Variants in ABCA9 observed in about 807,000 individuals in gnomAD.
ABCA9 encodes the protein ATP-binding cassette sub-family A member 9.
ABCA9 carries 183 observed loss-of-function variants against 205.3 expected under a neutral mutation model. That is an observed-to-expected ratio of 0.89 (90% CI 0.79 to 1.01). The LOEUF (loss-of-function observed/expected upper bound fraction) is 1.01, where lower values mean the gene tolerates loss of function less well. Among genes scored for constraint, ABCA9 ranks in the 50% least tolerant of loss-of-function variants. The pLI is 0.00. For synonymous variants in ABCA9, 651 were observed against 683.3 expected (o/e 0.95, Z 0.74); for missense variants, 1,805 against 1,912.4 (o/e 0.94, Z 1.05).
chr17:69,003,202 C>A (rs959975497), intron 25 of ABCA9, among the ~76,000 whole-genome samples: 2 of 151,850 alleles, frequency 1.3e-5, no homozygotes, highest in Admixed American at 1.3e-4. Flanking sequence ...GATGCAGTTT[C>A]TTCCTAGTCT....
upstream of ABCA9, among the ~76,000 whole-genome samples, chr17:69,063,098 G>A (rs1598426662): frequency 6.6e-6 from 1 of 152,140 alleles, no homozygotes; most frequent in African/African-American, 2.4e-5. Context: ...GGTGAGTAGC[G>A]GAAACTGAGT....
intron 22 of ABCA9, chr17:69,012,348 T>G: frequency 6.2e-6 from 2 of 324,080 alleles, no homozygotes; most frequent in Non-Finnish European, 1.1e-5. Flanking sequence ...GTTAATAACT[T>G]GTAAGGTAGG....
intron 25 of ABCA9, among the ~76,000 whole-genome samples, chr17:69,006,291 C>T (rs1213098295): frequency 6.6e-6 from 1 of 152,148 alleles, no homozygotes; most frequent in Non-Finnish European, 1.5e-5. Flanking sequence ...GCTAGGTTTA[C>T]ATCTCAAGAT....
At position 69,052,434 on chromosome 17, in the gene ABCA9, A is replaced by G. The variant is rs114270335; in HGVS notation, c.-13-1295T>C. 9.0e-3 allele frequency among the ~76,000 whole-genome samples: 1,374 copies of G among 152,230 alleles called. 29 individuals carry two copies. The highest frequency in any genetic ancestry group is 0.032 in the African/African-American group (1,316 of 41,546). ...AAGGTAAAAAAGAAAAAACAGTATAAGGAGAGAAAGTATCAGAATCAGACT... is the reference window on the plus strand; with the variant it reads ...AAGGTAAAAAAGAAAAAACAGTATAGGGAGAGAAAGTATCAGAATCAGACT... On this transcript the variant is annotated intron_variant, in intron 1 of 38. Transcript: ENST00000340001.
intron 1 of ABCA9, 64 bp from the exon 2 acceptor site, chr17:69,051,203 T>A: frequency 6.9e-7 from 1 of 1,444,704 alleles, no homozygotes; most frequent in Non-Finnish European, 9.4e-7. Context: ...CATTGTGCAA[T>A]CAAACATAAA....
chr17:69,035,272 A>G lies in ABCA9; in HGVS notation c.1102T>C (p.Phe368Leu). ...LEWTLCLLSPFAFTVGMAQLI... is the reference protein window; with the variant it reads ...LEWTLCLLSPLAFTVGMAQLI... ...TGGGCCATCCCAACAGTGAAGGCAA[A>G]GGGGCTAAGAAGACACAAAGTCCAT... The change falls in exon 8 of 39, where the codon TTT (phenylalanine) becomes CTT (leucine). Residue 368 changes from phenylalanine (F) to leucine (L), a missense_variant. Phe to Leu is a conservative substitution (Grantham distance 22, BLOSUM62 0). Coordinates refer to ENST00000340001, the MANE Select transcript of ABCA9 (RefSeq NM_080283.4). The G allele has an allele frequency of 6.3e-7, 1 of 1,593,648 alleles. No homozygotes were observed.
intron 6 of ABCA9, chr17:69,043,264 G>A (rs2071605094): frequency 4.5e-6 from 2 of 444,192 alleles, no homozygotes; most frequent in Admixed American, 8.1e-5. Flanking sequence ...GACAGGAGGT[G>A]GAGCTCAGGT....
At chr17:69,059,661 T>C (rs989124155) in intron 1 of ABCA9, among the ~76,000 whole-genome samples, 4 of 128,084 alleles carry the variant, frequency 3.1e-5, no homozygotes, top group Non-Finnish European at 6.3e-5. Flanking sequence ...ACCATTAAGT[T>C]TGTGGTCATT....
At chr17:69,078,741 C>T in the ABCA9 span, 2 of 345,840 alleles carry the variant, frequency 5.8e-6, no homozygotes, top group Non-Finnish European at 1.0e-5. Context: ...ATACCCAGTG[C>T]CTGACTCTTT....
At chr17:69,004,230 T>C (rs1445253453) in intron 25 of ABCA9, among the ~76,000 whole-genome samples, 1 of 152,242 alleles carries the variant, frequency 6.6e-6, no homozygotes, top group Non-Finnish European at 1.5e-5. Context: ...TGTTCTGTTT[T>C]TTCCCCATCT....
At position 68,990,870 on chromosome 17, in the gene ABCA9, T is replaced by C. The variant is rs2069428515; in HGVS notation, c.3804A>G (p.Thr1268=). 1.2e-6 allele frequency: 2 copies of C among 1,613,886 alleles called. No individual in the cohort carries two copies. Among genetic ancestry groups the C allele is most frequent in the Non-Finnish European group, 8.5e-7 (1 of 1,179,954 alleles). Residue 1268 remains threonine (T), a synonymous_variant, in exon 29 of 39, where the codon ACA becomes ACG. Transcript: ENST00000340001. ...AGTCTCGCACAGCCATAGCATTCAC[T>C]GTTCTCATTCTTTCCATCTGGATAT... ...EEDIQMERMR[T]VNAMAVRDFD...
chr17:68,980,196 A>T (rs1169850732), intron 37 of ABCA9, among the ~76,000 whole-genome samples: 5 of 152,168 alleles, frequency 3.3e-5, no homozygotes, highest in Admixed American at 6.5e-5. Context: ...GCTCATCATC[A>T]CTGGCCATCA....
upstream of ABCA9, among the ~76,000 whole-genome samples, chr17:69,065,400 A>G (rs565666792): frequency 1.3e-5 from 2 of 152,296 alleles, no homozygotes; most frequent in African/African-American, 2.4e-5. Flanking sequence ...TCTTTCTGAC[A>G]TAGAATTTTT....
At chr17:68,994,337 T>C (rs2069548634) in intron 26 of ABCA9, among the ~76,000 whole-genome samples, 1 of 152,200 alleles carries the variant, frequency 6.6e-6, no homozygotes, top group African/African-American at 2.4e-5. Context: ...ATATCTTCAA[T>C]TCCTTTTTAT....
At chr17:69,038,988 T>C (rs937850490) in intron 6 of ABCA9, among the ~76,000 whole-genome samples, 2 of 152,010 alleles carry the variant, frequency 1.3e-5, no homozygotes, top group African/African-American at 2.4e-5. Context: ...ATAAAATACC[T>C]AGGAATACAA....
At position 68,975,973 on chromosome 17, in the gene ABCA9, A is replaced by G. The variant is rs751236707; in HGVS notation, c.4817T>C (p.Leu1606Pro). 6 of 1,613,812 alleles carry G rather than the reference A, an allele frequency of 3.7e-6. No individual in the cohort carries two copies. The highest frequency in any genetic ancestry group is 1.1e-5 in the South Asian group (1 of 90,986). Residue 1606 changes from leucine to proline, a missense_variant, in exon 39 of 39, where the codon CTT (leucine) becomes CCT (proline). Transcript: ENST00000340001. Reference protein sequence around the residue: ...ELSKEQELGDLEEDFDPSVKW... With the variant: ...ELSKEQELGDPEEDFDPSVKW... ...CACCGAGGGATCAAAGTCCTCTTCA[A>G]GATCACCCAGCTCCTGCTCCTTGGA... is the stretch of plus-strand genomic sequence containing the variant.
At position 69,032,261 on chromosome 17, in the gene ABCA9, C is replaced by T. The variant is rs756457606; in HGVS notation, c.1292G>A (p.Arg431Gln). 6.8e-6 allele frequency: 11 copies of T among 1,613,406 alleles called. 1 individual carries two copies. Among genetic ancestry groups the T allele is most frequent in the South Asian group, 2.2e-5 (2 of 90,950 alleles). The change falls in exon 10 of 39, where the codon CGA becomes CAA. Residue 431 changes from arginine to glutamine, a missense_variant. Transcript: ENST00000340001. The part of the protein sequence containing the change: ...DKILPAEYGH[R>Q]CSPLFFLKSC... ...TTTCAGGAAAAACAAGGGAGAACAT[C>T]GATGTCCATATTCAGCTATGTGAGC...
At chr17:68,999,008 T>A (rs2069734640) in intron 25 of ABCA9, among the ~76,000 whole-genome samples, 1 of 152,088 alleles carries the variant, frequency 6.6e-6, no homozygotes, top group Admixed American at 6.5e-5. Flanking sequence ...CAGCACCTTT[T>A]TATCTTGGAC....
intron 16 of ABCA9, among the ~76,000 whole-genome samples, chr17:69,025,869 GAATAC>G (rs2070962886): frequency 2.0e-5 from 3 of 151,970 alleles, no homozygotes; most frequent in Non-Finnish European, 4.4e-5. Flanking sequence ...TTAGAGGATT[GAATAC>G]AATAATATGA....
Sources: allele counts gnomAD v4.1 joint callset (sites outside exome capture counted in the v4.1 genomes callset), GRCh38; gene constraint gnomAD v4.1.1; transcripts MANE v1.5; gene names NCBI Gene and HGNC (gene_info 2026-07-23, HGNC 2026-07-21).